The following HPS4 variants were observed in gnomAD, a reference collection of about 807,000 sequenced individuals.
The protein encoded by HPS4 is HPS4 biogenesis of lysosomal organelles complex 3 subunit 2.
Under a neutral mutation model 70.3 loss-of-function variants are expected in HPS4, and 44 were observed. The observed-to-expected ratio is 0.63, with a 90% confidence interval of 0.49 to 0.80. The LOEUF is 0.80. HPS4 is among the 30% of genes least tolerant of loss of function. HPS4 has a pLI of 0.00. For missense variants in HPS4, 873 were observed against 884.4 expected, an observed-to-expected ratio of 0.99 and a Z score of 0.16; for synonymous variants, 377 against 355.9, an observed-to-expected ratio of 1.06 and a Z score of -0.67.
At position 26,451,985 on chromosome 22, in the gene HPS4, TACGC is replaced by T. The variant is rs1319413664; in HGVS notation, c.*1244_*1247del. The T allele has an allele frequency of 1.9e-5, 1 of 53,522 alleles. No individual in the cohort carries two copies. Among genetic ancestry groups the T allele is most frequent in the African/African-American group, 1.5e-4 (1 of 6,542 alleles). 3.3% of individuals were successfully genotyped at this position (53,522 alleles called of 1,614,324 possible). A position where few individuals can be genotyped will look rare whatever the true frequency, so the allele number is the denominator to read the frequency against. The stretch of plus-strand genomic sequence containing the variant: ...AAGGAAAAGAGGGATGCGCCCACGT[TACGC>T]GCGCGCGCGCGCGCGCACACACACA... On this transcript the variant is annotated 3_prime_UTR_variant, in exon 14 of 14. Coordinates refer to ENST00000398145, the MANE Select transcript of HPS4 (RefSeq NM_022081.6).
intron 4 of HPS4, chr22:26,475,347 CTTTTTTTTTTTT>C (rs5844705): frequency 1.7e-4 from 16 of 95,644 alleles, no homozygotes; most frequent in Admixed American, 1.2e-3. Flanking sequence ...CATTAAATTT[CTTTTTTTTTTTT>C]TTTTTTTTTT....
intron 4 of HPS4, chr22:26,475,985 G>C (rs1369519157): frequency 6.6e-6 from 1 of 152,146 alleles, no homozygotes; most frequent in African/African-American, 2.4e-5. Context: ...GGAGGTTGCA[G>C]TAAACCAAGG....
In HPS4 at chr22:26,451,837, A is replaced by G. The variant is rs929675466; in HGVS notation, c.*1396T>C. 6 of 154,700 alleles carry G rather than the reference A, an allele frequency of 3.9e-5. No individual in the cohort carries two copies. Among genetic ancestry groups the G allele is most frequent in the Non-Finnish European group, 8.6e-5 (6 of 69,700 alleles). 9.6% of individuals were successfully genotyped at this position (154,700 alleles called of 1,614,324 possible). A position where few individuals can be genotyped will look rare whatever the true frequency, so the allele number is the denominator to read the frequency against. ...AGCAGAGATCCTGGAGAGAGGTGAT[A>G]GAAGAGGGAGACACAGGCTTGGTGT... On this transcript the variant is annotated 3_prime_UTR_variant, in exon 14 of 14. Coordinates refer to ENST00000398145, the MANE Select transcript of HPS4 (RefSeq NM_022081.6).
Position 26,466,083 on chromosome 22 carries a change from A to G in HPS4, c.706+143T>C, listed in dbSNP as rs1299443694. The G allele has an allele frequency of 1.9e-6, 3 of 1,583,142 alleles. No individual in the cohort carries two copies. In the South Asian group the frequency reaches 3.4e-5, roughly 18 times the overall value. On this transcript the variant is annotated intron_variant, in intron 9 of 13. Transcript: ENST00000398145. The stretch of plus-strand genomic sequence containing the variant: ...GTTCTGGTGGGTAACTCGATTCTTG[A>G]AGCTCCATAACATCCATTTTCCTAT...
At chr22:26,447,636 A>G (rs999299452), downstream of HPS4, among the ~76,000 whole-genome samples, 3 of 152,160 alleles carry the variant, frequency 2.0e-5, no homozygotes, top group South Asian at 2.1e-4. Context: ...GCAACCTTCC[A>G]TAACATTTAA....
chr22:26,470,348 C>A (rs759409684), intron 7 of HPS4, among the ~76,000 whole-genome samples: 5 of 152,222 alleles, frequency 3.3e-5, no homozygotes, highest in African/African-American at 9.6e-5. Flanking sequence ...GGTCTCTGGG[C>A]AGCAGGAGGA....
At chr22:26,443,204 T>TGA, downstream of HPS4, 1 of 1,613,310 alleles carries the variant, frequency 6.2e-7, no homozygotes, top group African/African-American at 1.3e-5. Flanking sequence ...TCCGGGACGA[T>TGA]GAGAGTATTT....
intron 10 of HPS4, 38 bp downstream of exon 10, chr22:26,465,417 G>A (rs975636384): frequency 1.4e-6 from 2 of 1,428,346 alleles, no homozygotes; most frequent in Admixed American, 3.3e-5. Context: ...GGGTCCCTCA[G>A]GTGTGGTGCA....
Position 26,470,816 on chromosome 22 carries a change from G to A in HPS4, c.502-3C>T, listed in dbSNP as rs778702679. 6.2e-7 allele frequency: 1 copy of A among 1,614,206 alleles called. No individual in the cohort carries two copies. Among genetic ancestry groups the A allele is most frequent in the Admixed American group, 1.7e-5 (1 of 60,028 alleles). On this transcript the variant is annotated splice_polypyrimidine_tract_variant and splice_region_variant and intron_variant, in intron 6 of 13. Transcript: ENST00000398145. Reference sequence around the variant, plus strand: ...TTCAGCAACAACAGGGGCTCCACCTGTGCAGGGCAAGAGGCATCATGCCCA... The same window carrying A: ...TTCAGCAACAACAGGGGCTCCACCTATGCAGGGCAAGAGGCATCATGCCCA...
downstream of HPS4, among the ~76,000 whole-genome samples, chr22:26,450,335 A>G (rs1043605337): frequency 3.3e-5 from 5 of 152,176 alleles, no homozygotes; most frequent in African/African-American, 1.2e-4. Context: ...GGGTGTTAAG[A>G]ACGCAGTAAC....
At chr22:26,461,304 T>C (rs911741958) in intron 11 of HPS4, among the ~76,000 whole-genome samples, 1 of 152,210 alleles carries the variant, frequency 6.6e-6, no homozygotes, top group Non-Finnish European at 1.5e-5. Flanking sequence ...CCATGTCCTA[T>C]TGTAGTGATA....
downstream of HPS4, among the ~76,000 whole-genome samples, chr22:26,446,393 G>A (rs2084953802): frequency 6.6e-6 from 1 of 152,228 alleles, no homozygotes; most frequent in African/African-American, 2.4e-5. Flanking sequence ...GTAGCATACT[G>A]TGGGGGAGAG....
rs923936010 is a variant in HPS4, at chr22:26,451,979, CCACGTTACGCGCGCGCGCGCGCGCGCA to C, written c.*1227_*1253del. 9.8e-5 allele frequency: 17 copies of C among 172,708 alleles called. No homozygotes were observed. Among genetic ancestry groups the C allele is most frequent in the South Asian group, 4.7e-4 (5 of 10,586 alleles). 10.7% of individuals were successfully genotyped at this position (172,708 alleles called of 1,614,324 possible). ...CCAGGGAAGGAAAAGAGGGATGCGC[CCACGTTACGCGCGCGCGCGCGCGCGCA>C]CACACACACACACACACACACACAC... On this transcript the variant is annotated 3_prime_UTR_variant, in exon 14 of 14. Coordinates refer to ENST00000398145, the MANE Select transcript of HPS4 (RefSeq NM_022081.6).
Position 26,468,607 on chromosome 22 carries a change from G to A in HPS4, c.613C>T (p.Leu205Phe). 6.2e-7 allele frequency: 1 copy of A among 1,613,712 alleles called. No individual in the cohort carries two copies. Among genetic ancestry groups the A allele is most frequent in the African/African-American group, 1.3e-5 (1 of 75,026 alleles). Residue 205 changes from leucine (L) to phenylalanine (F), a missense_variant, in exon 8 of 14, where the codon CTC becomes TTC. Transcript: ENST00000398145. The stretch of plus-strand genomic sequence containing the variant: ...ACCTTGGCGGTGAGGGAGGGCGGGA[G>A]TTGGGTGCTGACAATCCTAGGAGGT... ...LYKGLIVSTQ[L>F]PPSLTAKVLL...
At chr22:26,448,487 T>G (rs757041559), downstream of HPS4, among the ~76,000 whole-genome samples, 1 of 152,154 alleles carries the variant, frequency 6.6e-6, no homozygotes, top group East Asian at 1.9e-4. Context: ...AACAGCACAC[T>G]CGGTAGAGGA....
intron 11 of HPS4, among the ~76,000 whole-genome samples, chr22:26,460,318 C>G (rs975361270): frequency 6.6e-6 from 1 of 152,252 alleles, no homozygotes; most frequent in African/African-American, 2.4e-5. Context: ...ATGTTCAGAT[C>G]ACTGAGAGAG....
At position 26,451,023 on chromosome 22, in the gene HPS4, C is replaced by A. The variant is rs2085145112; in HGVS notation, c.*2210G>T. Among the ~76,000 whole-genome samples the A allele has an allele frequency of 6.6e-6, 1 of 152,208 alleles. No individual in the cohort carries two copies. Among genetic ancestry groups the A allele is most frequent in the African/African-American group, 2.4e-5 (1 of 41,460 alleles). On this transcript the variant is annotated 3_prime_UTR_variant, in exon 14 of 14. Transcript: ENST00000398145. ...ATGGCTGGCACAGAGGAAGCCAAAA[C>A]AGAGGCTTTTCTGCCCTGAAGAGTC...
Position 26,451,863 on chromosome 22 carries a change from A to C in HPS4, c.*1370T>G, listed in dbSNP as rs2085227649. 6.3e-6 allele frequency: 1 copy of C among 159,278 alleles called. No homozygotes were observed. The highest frequency in any genetic ancestry group is 6.2e-5 in the Admixed American group (1 of 16,116). The allele number at this position is 159,278 out of a possible 1,614,324, so 9.9% of individuals were successfully genotyped here. A position where few individuals can be genotyped will look rare whatever the true frequency, so the allele number is the denominator to read the frequency against. ...GAAGAGGGAGACACAGGCTTGGTGT[A>C]TTGGATCAGCTGCAGCTGGTGCTCC... is the stretch of plus-strand genomic sequence containing the variant. On this transcript the variant is annotated 3_prime_UTR_variant, in exon 14 of 14. Coordinates refer to ENST00000398145, the MANE Select transcript of HPS4 (RefSeq NM_022081.6).
intron 11 of HPS4, 61 bp downstream of exon 11, chr22:26,463,856 G>C: frequency 6.5e-7 from 1 of 1,548,904 alleles, no homozygotes; most frequent in Non-Finnish European, 8.9e-7. Flanking sequence ...AGTGCTGTGA[G>C]GGAAGCACAG....
Sources: gnomAD v4.1 joint callset for allele counts (sites outside exome capture counted in the v4.1 genomes callset) on GRCh38, gnomAD v4.1.1 for gene constraint, MANE v1.5 for transcripts, NCBI Gene and HGNC (gene_info 2026-07-23, HGNC 2026-07-21) for gene names.